TET2: variants seen among roughly 807,000 people sequenced by gnomAD.
The protein encoded by TET2 is methylcytosine dioxygenase TET2.
Under a neutral mutation model 142.9 loss-of-function variants are expected in TET2, and 299 were observed. The observed-to-expected ratio is 2.09, with a 90% confidence interval of 1.90 to 2.30. The LOEUF is 2.30. Among genes scored for constraint, TET2 ranks in the 30% most tolerant of loss-of-function variants. The probability of loss-of-function intolerance (pLI) is 0.00; values close to 1 mark genes in which losing one functional copy is unlikely to be tolerated. For synonymous variants in TET2, 819 were observed against 849.0 expected, an observed-to-expected ratio of 0.96 and a Z score of 0.61; for missense variants, 2,418 against 2,378.0, an observed-to-expected ratio of 1.02 and a Z score of -0.35.
chr4:105,147,588 T>G (rs190224233), intron 1 of TET2: 2 of 152,180 alleles, frequency 1.3e-5, no homozygotes, highest in East Asian at 3.9e-4. Flanking sequence ...TTTTTTTCCT[T>G]AAGTCCGCGC....
intron 6 of TET2, among the ~76,000 whole-genome samples, chr4:105,250,005 G>T (rs1729785164): frequency 6.6e-6 from 1 of 152,168 alleles, no homozygotes; most frequent in Non-Finnish European, 1.5e-5. Flanking sequence ...TTACACCTAT[G>T]CTTTCTTCTC....
In TET2 at chr4:105,275,118, ACAGC is replaced by A; in HGVS notation, c.4610_4613del (p.Gln1537ProfsTer33). The A allele has an allele frequency of 6.4e-7, 1 of 1,551,604 alleles. No individual in the cohort carries two copies. The highest frequency in any genetic ancestry group is 8.7e-7 in the Non-Finnish European group (1 of 1,146,904). ...CCCAGCCTCTACAGAAGCAGCCACC[ACAGC>A]CCCAGCAGCAGCAGAGACCCCAGCA... is the stretch of plus-strand genomic sequence containing the variant. On this transcript the variant is annotated frameshift_variant, in exon 11 of 11. Transcript: ENST00000380013. LOFTEE classifies it low-confidence loss of function (END_TRUNC).
At position 105,261,838 on chromosome 4, in the gene TET2, A is replaced by G; in HGVS notation, c.4034A>G (p.Tyr1345Cys). ...PTYKKLAPDA[Y>C]NNQIEYEHRA... is the part of the protein sequence containing the mutation. Reference sequence around the variant, plus strand: ...TATAAGAAACTTGCACCTGATGCATATAATAATCAGGTAAGTTTAAATAAT... The same window carrying G: ...TATAAGAAACTTGCACCTGATGCATGTAATAATCAGGTAAGTTTAAATAAT... Residue 1345 changes from tyrosine to cysteine, a missense_variant, in exon 8 of 11, where the codon TAT becomes TGT. Tyr to Cys is a radical substitution (Grantham distance 194). Coordinates refer to ENST00000380013, the MANE Select transcript of TET2 (RefSeq NM_001127208.3). The G allele has an allele frequency of 6.5e-7, 1 of 1,544,398 alleles. No individual in the cohort carries two copies. The highest frequency in any genetic ancestry group is 8.8e-7 in the Non-Finnish European group (1 of 1,141,664).
intron 7 of TET2, among the ~76,000 whole-genome samples, chr4:105,260,352 G>C (rs1156522528): frequency 2.0e-5 from 3 of 151,784 alleles, no homozygotes; most frequent in African/African-American, 7.3e-5. Flanking sequence ...CTTTTGGGTG[G>C]CATGTAGTCT....
intron 8 of TET2, among the ~76,000 whole-genome samples, chr4:105,264,860 G>A (rs1010550485): frequency 5.9e-5 from 9 of 152,080 alleles, no homozygotes; most frequent in Non-Finnish European, 1.3e-4. Flanking sequence ...CCCCAACTGA[G>A]TGTCGTATCT....
Position 105,234,623 on chromosome 4 carries a change from A to G in TET2, c.681A>G (p.Glu227=), listed in dbSNP as rs755534097. 7 of 1,614,016 alleles carry G rather than the reference A, an allele frequency of 4.3e-6. No homozygotes were observed. In the Admixed American group the frequency reaches 8.3e-5, roughly 19 times the overall value. The part of the protein sequence containing the change: ...SVEHTHGELL[E]KTLSQYYPDC... ...AACACACACATGGTGAACTCCTGGA[A>G]AAAACACTGTCTCAATATTATCCAG... Residue 227 remains glutamate (E), a synonymous_variant, in exon 3 of 11, where the codon GAA becomes GAG. Coordinates refer to ENST00000380013, the MANE Select transcript of TET2 (RefSeq NM_001127208.3).
At chr4:105,269,513 A>G (rs1730844341) in intron 8 of TET2, 97 bp from the exon 9 acceptor site, 1 of 1,317,418 alleles carries the variant, frequency 7.6e-7, no homozygotes, top group Non-Finnish European at 1.0e-6. Context: ...AGTTCAAAAC[A>G]TTTTTTTAAA....
intron 6 of TET2, among the ~76,000 whole-genome samples, chr4:105,255,088 C>T (rs897228315): frequency 6.6e-6 from 1 of 152,176 alleles, no homozygotes; most frequent in African/African-American, 2.4e-5. Context: ...TTGATTACAT[C>T]TTTTAACCTG....
chr4:105,242,751 T>G (rs1056392173), intron 4 of TET2, 83 bp from the exon 5 acceptor site: 7 of 1,518,318 alleles, frequency 4.6e-6, no homozygotes, highest in African/African-American at 1.4e-5. Flanking sequence ...AATAAAGTTA[T>G]GCTCAAATGT....
At chr4:105,241,635 G>A (rs1729303797) in intron 4 of TET2, 2 of 1,288,668 alleles carry the variant, frequency 1.6e-6, no homozygotes, top group Admixed American at 3.9e-5. Flanking sequence ...CTGCTAGCTG[G>A]CACAGGCTGC....
intron 2 of TET2, among the ~76,000 whole-genome samples, chr4:105,231,250 AT>A (rs974087880): frequency 2.0e-5 from 3 of 152,158 alleles, no homozygotes; most frequent in Non-Finnish European, 4.4e-5. Flanking sequence ...AACTTCCTTA[AT>A]TCCTCAAAAT....
At position 105,200,811 on chromosome 4, in the gene TET2, C is replaced by A. The variant is rs186158265; in HGVS notation, c.-47+10306C>A. 1.0e-3 allele frequency among the ~76,000 whole-genome samples: 157 copies of A among 152,176 alleles called. 1 individual carries two copies. Among genetic ancestry groups the A allele is most frequent in the Non-Finnish European group, 1.9e-3 (129 of 67,996 alleles). On this transcript the variant is annotated intron_variant, in intron 2 of 10. Transcript: ENST00000380013. ...GAGTAGCTGGGACTACAGGCACACACCACCATGCCCAGCTAATTTTTGTAT... is the reference window on the plus strand; with the variant it reads ...GAGTAGCTGGGACTACAGGCACACAACACCATGCCCAGCTAATTTTTGTAT...
At chr4:105,168,133 C>T (rs1029621947) in intron 1 of TET2, among the ~76,000 whole-genome samples, 4 of 152,092 alleles carry the variant, frequency 2.6e-5, no homozygotes, top group Non-Finnish European at 5.9e-5. Flanking sequence ...CTTACCTCAC[C>T]GTGGGTTTTT....
intron 9 of TET2, among the ~76,000 whole-genome samples, chr4:105,270,981 A>G (rs1436279286): frequency 1.3e-5 from 2 of 152,188 alleles, no homozygotes; most frequent in Non-Finnish European, 2.9e-5. Flanking sequence ...GTTGAGAAGC[A>G]GAGAAGATAT....
In TET2 at chr4:105,236,423, A is replaced by C; in HGVS notation, c.2481A>C (p.Ala827=). 1 of 1,614,084 alleles carries C rather than the reference A, an allele frequency of 6.2e-7. No homozygotes were observed. The highest frequency in any genetic ancestry group is 8.5e-7 in the Non-Finnish European group (1 of 1,180,002). Residue 827 remains alanine (A), a synonymous_variant, in exon 3 of 11, where the codon GCA becomes GCC. Coordinates refer to ENST00000380013, the MANE Select transcript of TET2 (RefSeq NM_001127208.3). ...SPYSQTMKSS[A]CKIQVSCSNN... ...ATAGTCAGACCATGAAATCAAGTGCATGCAAAATACAGGTTTCTTGTTCAA... is the reference window on the plus strand; with the variant it reads ...ATAGTCAGACCATGAAATCAAGTGCCTGCAAAATACAGGTTTCTTGTTCAA...
chr4:105,224,872 G>A (rs1342397249), intron 2 of TET2, among the ~76,000 whole-genome samples: 1 of 151,954 alleles, frequency 6.6e-6, no homozygotes, highest in Non-Finnish European at 1.5e-5. Flanking sequence ...GGTATTTATA[G>A]TAAATAGAAA....
At chr4:105,205,581 T>C (rs1726767357) in intron 2 of TET2, among the ~76,000 whole-genome samples, 1 of 152,216 alleles carries the variant, frequency 6.6e-6, no homozygotes, top group South Asian at 2.1e-4. Context: ...CTGATTTATC[T>C]GTACCCACAA....
intron 2 of TET2, among the ~76,000 whole-genome samples, chr4:105,216,863 A>C (rs1250685342): frequency 6.6e-6 from 1 of 152,106 alleles, no homozygotes; most frequent in Non-Finnish European, 1.5e-5. Flanking sequence ...TCTTAAATGC[A>C]TCATACAGCG....
chr4:105,202,275 C>A (rs571365749), intron 2 of TET2: 1 of 152,214 alleles, frequency 6.6e-6, no homozygotes, highest in East Asian at 1.9e-4. Context: ...ATATATTTAT[C>A]TTAGTTAATG....
Sources: allele counts gnomAD v4.1 joint callset (sites outside exome capture counted in the v4.1 genomes callset), GRCh38; gene constraint gnomAD v4.1.1; transcripts MANE v1.5; gene names NCBI Gene and HGNC (gene_info 2026-07-23, HGNC 2026-07-21).